PCSK5: variants seen among roughly 807,000 people sequenced by gnomAD.
The protein encoded by PCSK5 is prohormone convertase 5.
In PCSK5, 129 loss-of-function variants were observed where a neutral mutation model predicts 233.2. That is an observed-to-expected ratio of 0.55 (90% CI 0.48 to 0.64). PCSK5 has a LOEUF of 0.64. Ranked by LOEUF, PCSK5 falls within the 30% of genes least tolerant of loss-of-function variation. The probability of loss-of-function intolerance (pLI) is 0.00; values close to 1 mark genes in which losing one functional copy is unlikely to be tolerated. For missense variants in PCSK5, 2,076 were observed against 2,430.1 expected, an observed-to-expected ratio of 0.85 and a Z score of 3.06; for synonymous variants, 825 against 879.2, an observed-to-expected ratio of 0.94 and a Z score of 1.09.
At chr9:76,084,566 C>G (rs1234477813) in intron 7 of PCSK5, among the ~76,000 whole-genome samples, 1 of 152,134 alleles carries the variant, frequency 6.6e-6, no homozygotes, top group Non-Finnish European at 1.5e-5. Flanking sequence ...GCTGGGCTAC[C>G]TGGGAGGTAA....
intron 24 of PCSK5, among the ~76,000 whole-genome samples, chr9:76,269,271 C>T (rs1827431871): frequency 6.6e-6 from 1 of 152,318 alleles, no homozygotes; most frequent in South Asian, 2.1e-4. Flanking sequence ...ACTCCTGGCA[C>T]TCTCAAGTCT....
At chr9:76,252,588 G>A (rs1042243434) in intron 24 of PCSK5, among the ~76,000 whole-genome samples, 13 of 152,122 alleles carry the variant, frequency 8.5e-5, no homozygotes, top group African/African-American at 2.9e-4. Flanking sequence ...TCAGTTAGCC[G>A]TGGCATCCTC....
chr9:76,016,948 A>G (rs1432778420), intron 3 of PCSK5, among the ~76,000 whole-genome samples: 1 of 152,030 alleles, frequency 6.6e-6, no homozygotes, highest in Admixed American at 6.5e-5. Context: ...TCTTCTCCCA[A>G]CCTCCACTAT....
chr9:76,173,511 T>G lies in PCSK5; in HGVS notation c.1757-1475T>G, dbSNP rs887756006. Among the ~76,000 whole-genome samples, 8 of 105,838 alleles carry G rather than the reference T, an allele frequency of 7.6e-5. No individual in the cohort carries two copies. In the East Asian group the frequency reaches 1.3e-3, roughly 18 times the overall value. 69.4% of individuals were successfully genotyped at this position (105,838 alleles called of 152,430 possible). On this transcript the variant is annotated intron_variant, in intron 13 of 37. Transcript: ENST00000674117. ...GGCACGTTTCCTTTTTTTTTTTTTT[T>G]TTTTTTTTTTTTTTTTTTTTTACTT...
In PCSK5 at chr9:76,107,841, A is replaced by G. The variant is rs74628646; in HGVS notation, c.1208+490A>G. Among the ~76,000 whole-genome samples, 813 of 152,360 alleles carry G rather than the reference A, an allele frequency of 5.3e-3. 10 individuals are homozygous for G. The highest frequency in any genetic ancestry group is 0.018 in the African/African-American group (752 of 41,596). ...ATCCTGTTCAGTATAGTCAAATTCT[A>G]TGTCAAAAAGATTACTGTGAAAGAC... On this transcript the variant is annotated intron_variant, in intron 9 of 37. Transcript: ENST00000674117.
chr9:76,016,415 G>A (rs1827951473), intron 3 of PCSK5, among the ~76,000 whole-genome samples: 1 of 152,172 alleles, frequency 6.6e-6, no homozygotes, highest in African/African-American at 2.4e-5. Flanking sequence ...AGAGATGGAG[G>A]CAATGGTTTC....
chr9:75,986,008 G>T, intron 2 of PCSK5, 124 bp from the exon 3 acceptor site: 1 of 624,452 alleles, frequency 1.6e-6, no homozygotes, highest in Non-Finnish European at 2.9e-6. Flanking sequence ...AGAGATTTTA[G>T]TAGCCACAGT....
At chr9:75,895,388 G>A (rs1296346793) in intron 1 of PCSK5, among the ~76,000 whole-genome samples, 1 of 152,190 alleles carries the variant, frequency 6.6e-6, no homozygotes, top group Admixed American at 6.5e-5. Context: ...GAGATCCAAA[G>A]TTTTAGATAA....
chr9:76,216,499 A>AT (rs1381638385), intron 20 of PCSK5, among the ~76,000 whole-genome samples: 1 of 151,948 alleles, frequency 6.6e-6, no homozygotes, highest in Non-Finnish European at 1.5e-5. Flanking sequence ...CACAAACAAT[A>AT]TTATATTACT....
intron 20 of PCSK5, among the ~76,000 whole-genome samples, chr9:76,212,127 G>T (rs1443156656): frequency 1.3e-5 from 2 of 152,112 alleles, no homozygotes; most frequent in African/African-American, 2.4e-5. Flanking sequence ...AAGTATCTAC[G>T]GATGTGCAAC....
At chr9:76,006,326 A>G (rs1032703384) in intron 3 of PCSK5, among the ~76,000 whole-genome samples, 2 of 152,132 alleles carry the variant, frequency 1.3e-5, no homozygotes, top group African/African-American at 2.4e-5. Context: ...GATTTTATGT[A>G]TATATAGTTT....
intron 32 of PCSK5, among the ~76,000 whole-genome samples, chr9:76,326,709 C>A (rs1180547246): frequency 2.0e-5 from 3 of 152,136 alleles, no homozygotes; most frequent in African/African-American, 4.8e-5. Flanking sequence ...TGCTATGTGC[C>A]GTGTGCTCTT....
intron 3 of PCSK5, among the ~76,000 whole-genome samples, chr9:76,002,713 A>G (rs1827312661): frequency 6.6e-6 from 1 of 152,120 alleles, no homozygotes; most frequent in African/African-American, 2.4e-5. Context: ...AAACTGGCGG[A>G]AGGGAAACAA....
intron 2 of PCSK5, among the ~76,000 whole-genome samples, chr9:75,982,563 A>G (rs576908259): frequency 6.6e-6 from 1 of 152,148 alleles, no homozygotes; most frequent in East Asian, 1.9e-4. Flanking sequence ...GGCTAAGTGT[A>G]TTGTATATGT....
At chr9:76,264,389 TG>T (rs1387917138) in intron 24 of PCSK5, among the ~76,000 whole-genome samples, 3 of 152,142 alleles carry the variant, frequency 2.0e-5, no homozygotes, top group Admixed American at 6.6e-5. Flanking sequence ...ATTCTGGATA[TG>T]GGTCTTGGGA....
intron 30 of PCSK5, among the ~76,000 whole-genome samples, chr9:76,317,134 G>T (rs548690645): frequency 2.0e-5 from 3 of 152,242 alleles, no homozygotes; most frequent in African/African-American, 7.2e-5. Context: ...GCCAAGGCAG[G>T]CAGATCACTT....
In PCSK5 at chr9:76,107,272, C is replaced by T; in HGVS notation, c.1129C>T (p.Arg377Cys). ...CCAGATCACTACAGATCTGAGGCAGCGTTGCACGGACAACCACACTGGGAC... is the reference window on the plus strand; with the variant it reads ...CCAGATCACTACAGATCTGAGGCAGTGTTGCACGGACAACCACACTGGGAC... ...KKIITTDLRQRCTDNHTGTSA... is the reference protein window; with the variant it reads ...KKIITTDLRQCCTDNHTGTSA... The change falls in exon 9 of 38, where the codon CGT (arginine) becomes TGT (cysteine). Residue 377 changes from arginine (R) to cysteine (C), a missense_variant. By Grantham distance (180) the Arg-to-Cys change is radical (BLOSUM62 -3). Around this residue, in one of 6 missense-constraint regions of PCSK5, gnomAD observed 178 missense variants for 393.6 expected, o/e 0.45. Coordinates refer to ENST00000674117, the MANE Select transcript of PCSK5 (RefSeq NM_001372043.1). 3 of 1,613,030 alleles carry T rather than the reference C, an allele frequency of 1.9e-6. No individual in the cohort carries two copies. Among genetic ancestry groups the T allele is most frequent in the African/African-American group, 1.3e-5 (1 of 75,028 alleles).
At chr9:75,925,589 G>A (rs1823450071) in intron 1 of PCSK5, among the ~76,000 whole-genome samples, 1 of 152,178 alleles carries the variant, frequency 6.6e-6, no homozygotes, top group African/African-American at 2.4e-5. Flanking sequence ...AGGGGCAACA[G>A]TAATTTTAAA....
intron 3 of PCSK5, among the ~76,000 whole-genome samples, chr9:76,018,809 A>G (rs1181914291): frequency 6.6e-6 from 1 of 152,224 alleles, no homozygotes; most frequent in Non-Finnish European, 1.5e-5. Context: ...AAACAACTGT[A>G]TTCCACTTTA....
Sources: gnomAD v4.1 joint callset for allele counts (sites outside exome capture counted in the v4.1 genomes callset) on GRCh38, gnomAD v4.1.1 for gene constraint, gnomAD v4.1.1 regional missense constraint, MANE v1.5 for transcripts, NCBI Gene and HGNC (gene_info 2026-07-23, HGNC 2026-07-21) for gene names.